EPB41L2: variants seen among roughly 807,000 people sequenced by gnomAD.
EPB41L2 encodes the protein band 4.1-like protein 2.
A neutral mutation model predicts 113.0 loss-of-function variants in EPB41L2; 43 were observed. That is an observed-to-expected ratio of 0.38 (90% CI 0.30 to 0.49). The LOEUF (loss-of-function observed/expected upper bound fraction) is 0.49, where lower values mean the gene tolerates loss of function less well. Ranked by LOEUF, EPB41L2 falls within the 20% of genes least tolerant of loss-of-function variation. EPB41L2 has a pLI of 0.95. For missense variants in EPB41L2, 1,147 were observed against 1,223.4 expected (o/e 0.94, Z 0.93); for synonymous variants, 442 against 436.7 (o/e 1.01, Z -0.15).
chr6:130,956,491 C>A lies in EPB41L2; in HGVS notation c.-6G>T. The A allele has an allele frequency of 6.2e-7, 1 of 1,600,338 alleles. No homozygotes were observed. The highest frequency in any genetic ancestry group is 8.5e-7 in the Non-Finnish European group (1 of 1,175,090). On this transcript the variant is annotated 5_prime_UTR_variant, in exon 2 of 20. Transcript: ENST00000337057. ...GAGCCTACTTCAGTAGTCATGGCCA[C>A]AGCTTATGCTGTAATCAAAACAAAA...
chr6:130,872,624 C>A (rs995132928), intron 14 of EPB41L2: 22 of 918,574 alleles, frequency 2.4e-5, no homozygotes, highest in Non-Finnish European at 2.9e-5. Context: ...GGAAAGGTTA[C>A]ACAAGAAAGA....
Position 130,869,548 on chromosome 6 carries a change from G to C in EPB41L2, c.2607+15C>G. The C allele has an allele frequency of 1.9e-6, 3 of 1,609,098 alleles. No individual in the cohort carries two copies. Among genetic ancestry groups the C allele is most frequent in the Non-Finnish European group, 2.5e-6 (3 of 1,176,814 alleles). The stretch of plus-strand genomic sequence containing the variant: ...CAGCTCTAGAGTTTGGCTCCCACCT[G>C]GGACTCCCATTTACCTCTGAACAAC... On this transcript the variant is annotated intron_variant, in intron 15 of 19. Coordinates refer to ENST00000337057, the MANE Select transcript of EPB41L2 (RefSeq NM_001431.4).
chr6:130,884,375 C>A (rs950541321), intron 12 of EPB41L2, among the ~76,000 whole-genome samples: 1 of 152,058 alleles, frequency 6.6e-6, no homozygotes, highest in Non-Finnish European at 1.5e-5. Flanking sequence ...ACTATGAAAT[C>A]AATATGATGG....
At chr6:131,035,580 G>A (rs959389380) in intron 1 of EPB41L2, among the ~76,000 whole-genome samples, 3 of 152,188 alleles carry the variant, frequency 2.0e-5, no homozygotes, top group Non-Finnish European at 4.4e-5. Context: ...AAGACATTTA[G>A]TGACCTATTT....
At chr6:130,894,574 T>C (rs1264521648) in intron 9 of EPB41L2, 133 bp from the exon 10 acceptor site, 3 of 712,872 alleles carry the variant, frequency 4.2e-6, no homozygotes, top group African/African-American at 3.6e-5. Flanking sequence ...GCATATCTAA[T>C]ATAATCATAT....
At chr6:131,017,087 C>T (rs1344523553) in intron 1 of EPB41L2, among the ~76,000 whole-genome samples, 1 of 152,098 alleles carries the variant, frequency 6.6e-6, no homozygotes, top group East Asian at 1.9e-4. Context: ...AACTAGGCAT[C>T]GGAAATGGTA....
Position 130,995,625 on chromosome 6 carries a change from T to C in EPB41L2, c.-14-39126A>G, listed in dbSNP as rs145532471. Among the ~76,000 whole-genome samples, 3 of 152,336 alleles carry C rather than the reference T, an allele frequency of 2.0e-5. No individual in the cohort carries two copies. In the East Asian group the frequency reaches 5.8e-4, roughly 29 times the overall value. Reference sequence around the variant, plus strand: ...TCTTCAACCTTGGCAAAACAAGCTTTCTAAATTGACTGAGACCTGTCTCAG... The same window carrying C: ...TCTTCAACCTTGGCAAAACAAGCTTCCTAAATTGACTGAGACCTGTCTCAG... On this transcript the variant is annotated intron_variant, in intron 1 of 19. Transcript: ENST00000337057.
Position 131,063,232 on chromosome 6 carries a change from C to A in EPB41L2, c.-92G>T, listed in dbSNP as rs2128213391. ...CAGCCGCGCCTGCCTCCTCCCTCCG[C>A]TAGGTTTCAAATTGAAATTCCCTGA... On this transcript the variant is annotated 5_prime_UTR_variant, in exon 1 of 20. Coordinates refer to ENST00000337057, the MANE Select transcript of EPB41L2 (RefSeq NM_001431.4). The A allele has an allele frequency of 6.6e-6, 1 of 152,534 alleles. No individual in the cohort carries two copies. Among genetic ancestry groups the A allele is most frequent in the Non-Finnish European group, 1.5e-5 (1 of 68,280 alleles). 9.4% of individuals were successfully genotyped at this position (152,534 alleles called of 1,614,324 possible).
intron 1 of EPB41L2, among the ~76,000 whole-genome samples, chr6:131,050,590 T>A (rs1290649226): frequency 6.6e-6 from 1 of 152,226 alleles, no homozygotes; most frequent in Admixed American, 6.5e-5. Context: ...CTTTTTGTTT[T>A]ACCATCCCTA....
chr6:130,849,478 T>C (rs1439800135), intron 19 of EPB41L2, among the ~76,000 whole-genome samples: 1 of 152,130 alleles, frequency 6.6e-6, no homozygotes, highest in African/African-American at 2.4e-5. Context: ...CTGAAAAGAT[T>C]AGTTACTCAT....
At chr6:130,896,951 G>A (rs9483187) in intron 8 of EPB41L2, among the ~76,000 whole-genome samples, 2,228 of 152,152 alleles carry the variant, frequency 0.015, 68 homozygotes, top group African/African-American at 0.05. Flanking sequence ...CCCTCCCTAC[G>A]TGGTCACCTC....
intron 1 of EPB41L2, among the ~76,000 whole-genome samples, chr6:130,963,551 G>C (rs976963228): frequency 6.6e-6 from 1 of 151,990 alleles, no homozygotes; most frequent in African/African-American, 2.4e-5. Context: ...TGAAAACTAA[G>C]GCATAATTTT....
chr6:130,926,644 G>A lies in EPB41L2; in HGVS notation c.771C>T (p.Asp257=), dbSNP rs746662763. The A allele has an allele frequency of 2.5e-6, 4 of 1,609,684 alleles. No individual in the cohort carries two copies. Among genetic ancestry groups the A allele is most frequent in the Non-Finnish European group, 3.4e-6 (4 of 1,178,954 alleles). The change falls in exon 4 of 20, where the codon GAC becomes GAT. Residue 257 remains aspartate (D), a synonymous_variant. Coordinates refer to ENST00000337057, the MANE Select transcript of EPB41L2 (RefSeq NM_001431.4). ...TTTCCTGAAACAAAAGTCCAAAGTA[G>A]TCTTTCTCCAAGAGATTGAGGTGTT... ...VCEHLNLLEK[D]YFGLLFQESP... is the part of the protein sequence containing the mutation.
intron 1 of EPB41L2, among the ~76,000 whole-genome samples, chr6:130,974,319 T>G (rs1323243791): frequency 2.6e-5 from 4 of 151,738 alleles, no homozygotes; most frequent in Non-Finnish European, 1.5e-5. Flanking sequence ...CAACTTAGAG[T>G]AACTGTGAGA....
At chr6:130,977,429 TC>T (rs1778435856) in intron 1 of EPB41L2, among the ~76,000 whole-genome samples, 1 of 152,136 alleles carries the variant, frequency 6.6e-6, no homozygotes, top group Non-Finnish European at 1.5e-5. Context: ...CAATGCCTTT[TC>T]CTGTAGCAAA....
chr6:131,046,419 T>C (rs1795474169), intron 1 of EPB41L2, among the ~76,000 whole-genome samples: 1 of 152,126 alleles, frequency 6.6e-6, no homozygotes, highest in Non-Finnish European at 1.5e-5. Context: ...ACAATTGTCT[T>C]TCTATCCTCT....
At chr6:130,975,492 G>A (rs571890846) in intron 1 of EPB41L2, among the ~76,000 whole-genome samples, 1 of 152,134 alleles carries the variant, frequency 6.6e-6, no homozygotes, top group Non-Finnish European at 1.5e-5. Flanking sequence ...CCAATAATCT[G>A]ATGAGTCACT....
At chr6:130,852,106 C>T (rs1266673203) in intron 19 of EPB41L2, among the ~76,000 whole-genome samples, 2 of 152,066 alleles carry the variant, frequency 1.3e-5, no homozygotes, top group Admixed American at 6.5e-5. Flanking sequence ...CTCTTAAGAG[C>T]AAAAAGGGTT....
chr6:130,880,168 G>C lies in EPB41L2; in HGVS notation c.1872C>G (p.Val624=). The C allele has an allele frequency of 1.2e-6, 2 of 1,609,748 alleles. No individual in the cohort carries two copies. The highest frequency in any genetic ancestry group is 1.7e-6 in the Non-Finnish European group (2 of 1,176,158). Residue 624 remains valine (V), a synonymous_variant, in exon 13 of 20, where the codon GTC becomes GTG. Transcript: ENST00000337057. Reference sequence around the variant, plus strand: ...CCTCCAACATTAAATTGCTATGTCTGACATAAATATTATCCCCTTCTACTC... The same window carrying C: ...CCTCCAACATTAAATTGCTATGTCTCACATAAATATTATCCCCTTCTACTC... ...SLRVEGDNIY[V]RHSNLMLEEL... is the part of the protein sequence containing the mutation.
Sources: allele counts gnomAD v4.1 joint callset (sites outside exome capture counted in the v4.1 genomes callset), GRCh38; gene constraint gnomAD v4.1.1; transcripts MANE v1.5; gene names NCBI Gene and HGNC (gene_info 2026-07-23, HGNC 2026-07-21).